Variants in DDX60L observed in about 807,000 individuals in gnomAD.
DDX60L encodes the protein probable ATP-dependent RNA helicase DDX60-like.
DDX60L carries 191 observed loss-of-function variants against 211.6 expected under a neutral mutation model. That is an observed-to-expected ratio of 0.90 (90% CI 0.80 to 1.02). The LOEUF (loss-of-function observed/expected upper bound fraction) is 1.02, where lower values mean the gene tolerates loss of function less well. DDX60L is among the 50% of genes least tolerant of loss of function. The pLI is 0.00. For synonymous variants in DDX60L, 706 were observed against 694.1 expected (o/e 1.02, Z -0.27); for missense variants, 2,007 against 1,984.1 (o/e 1.01, Z -0.22).
At chr4:168,360,888 C>T (rs1738989037) in intron 37 of DDX60L, among the ~76,000 whole-genome samples, 1 of 152,162 alleles carries the variant, frequency 6.6e-6, no homozygotes, top group African/African-American at 2.4e-5. Context: ...TGAGGAAGAG[C>T]CTTCCAGGCT....
At chr4:168,391,400 A>G in intron 29 of DDX60L, 140 bp downstream of exon 29, 2 of 611,076 alleles carry the variant, frequency 3.3e-6, no homozygotes, top group South Asian at 4.0e-5. Flanking sequence ...ATATGAGGCC[A>G]CTCAACTCAA....
chr4:168,420,463 T>TAAACACAC (rs1175751123), intron 17 of DDX60L, 83 bp from the exon 18 acceptor site: 1 of 456,752 alleles, frequency 2.2e-6, no homozygotes. Flanking sequence ...TCCATACACA[T>TAAACACAC]ACACACACAC....
rs768663569 is a variant in DDX60L, at chr4:168,358,205, G to A, written c.5063C>T (p.Thr1688Ile). Residue 1688 changes from threonine (T) to isoleucine (I), a missense_variant, in exon 38 of 38, where the codon ACC becomes ATC. Thr to Ile is a moderately conservative substitution (Grantham distance 89). Coordinates refer to ENST00000682922, the MANE Select transcript of DDX60L (RefSeq NM_001012967.3). The part of the protein sequence containing the change: ...VVLAFKQLSQ[T>I]FYEKLQEMQI... ...CATTTCTTGAAGTTTCTCATAAAAG[G>A]TTTGACTCAATTGTTTAAATGCCAG... 3 of 1,605,334 alleles carry A rather than the reference G, an allele frequency of 1.9e-6. No homozygotes were observed. The highest frequency in any genetic ancestry group is 1.7e-5 in the Admixed American group (1 of 58,736).
chr4:168,448,003 A>G (rs1755089201), intron 9 of DDX60L, among the ~76,000 whole-genome samples: 1 of 151,808 alleles, frequency 6.6e-6, no homozygotes, highest in Non-Finnish European at 1.5e-5. Flanking sequence ...CAATGTGCAC[A>G]TGTACCCTAA....
In DDX60L at chr4:168,427,241, C is replaced by G. The variant is rs779343782; in HGVS notation, c.1759G>C (p.Asp587His). ...KEDQNKAQQN[D>H]DLLFSIEEEM... The stretch of plus-strand genomic sequence containing the variant: ...TCTTCAATAGAAAACAGCAGATCAT[C>G]GTTTTGCTGAGCTTTGTTCTGATCT... The change falls in exon 14 of 38, where the codon GAT (aspartate) becomes CAT (histidine). Residue 587 changes from aspartate (D) to histidine (H), a missense_variant. Coordinates refer to ENST00000682922, the MANE Select transcript of DDX60L (RefSeq NM_001012967.3). The G allele has an allele frequency of 6.2e-7, 1 of 1,613,706 alleles. No individual in the cohort carries two copies. The highest frequency in any genetic ancestry group is 8.5e-7 in the Non-Finnish European group (1 of 1,179,738).
intron 33 of DDX60L, among the ~76,000 whole-genome samples, chr4:168,376,424 G>A (rs1741954230): frequency 6.6e-6 from 1 of 152,194 alleles, no homozygotes; most frequent in Non-Finnish European, 1.5e-5. Flanking sequence ...GAATGTCTAT[G>A]AGATAAACAG....
intron 18 of DDX60L, among the ~76,000 whole-genome samples, chr4:168,419,947 A>G (rs1487696817): frequency 6.6e-6 from 1 of 152,242 alleles, no homozygotes; most frequent in Non-Finnish European, 1.5e-5. Context: ...ATGGAAAGAC[A>G]AGGTTGGATA....
chr4:168,456,265 A>C, intron 6 of DDX60L, 113 bp from the exon 7 acceptor site: 1 of 497,064 alleles, frequency 2.0e-6, no homozygotes, highest in Non-Finnish European at 3.3e-6. Context: ...ATTTGACTAA[A>C]CGGAACTTCA....
chr4:168,440,001 G>C (rs529857299), intron 10 of DDX60L, among the ~76,000 whole-genome samples: 2 of 152,320 alleles, frequency 1.3e-5, no homozygotes, highest in South Asian at 2.1e-4. Flanking sequence ...AAAAGTCCAA[G>C]AAAATGCAAA....
intron 26 of DDX60L, among the ~76,000 whole-genome samples, chr4:168,396,607 T>C (rs1471174977): frequency 6.6e-6 from 1 of 151,266 alleles, no homozygotes; most frequent in Non-Finnish European, 1.5e-5. Context: ...AAGAGAAAAA[T>C]TGATTATACC....
intron 13 of DDX60L, among the ~76,000 whole-genome samples, chr4:168,429,153 C>CT (rs1010747852): frequency 5.4e-5 from 8 of 149,178 alleles, no homozygotes; most frequent in East Asian, 3.9e-4. Context: ...AATTCCTTTT[C>CT]TTTTTTTTTT....
rs919987077 is a variant in DDX60L, at chr4:168,448,646, C to T, written c.1130G>A (p.Ser377Asn). The T allele has an allele frequency of 1.6e-5, 25 of 1,546,720 alleles. No homozygotes were observed. The Admixed American group carries it at 2.9e-4, about 18-fold the overall frequency. The part of the protein sequence containing the change: ...KNIAFYYEFE[S>N]TQEPHLNLGD... ...GCATATTCAGGTACTACCTTGAGTA[C>T]TTTCAAATTCATAGTAGAAGGCTAT... is the stretch of plus-strand genomic sequence containing the variant. The change falls in exon 9 of 38, where the codon AGT becomes AAT. Residue 377 changes from serine (S) to asparagine (N), a missense_variant. Physicochemically the swap from Ser to Asn is conservative, Grantham distance 46 (BLOSUM62 1). Coordinates refer to ENST00000682922, the MANE Select transcript of DDX60L (RefSeq NM_001012967.3).
In DDX60L at chr4:168,456,154, T is replaced by C. The variant is rs1342669508; in HGVS notation, c.724-2A>G. 2 of 1,523,298 alleles carry C rather than the reference T, an allele frequency of 1.3e-6. No homozygotes were observed. The highest frequency in any genetic ancestry group is 1.8e-6 in the Non-Finnish European group (2 of 1,139,916). 94.4% of individuals were successfully genotyped at this position (1,523,298 alleles called of 1,614,324 possible). A position where few individuals can be genotyped will look rare whatever the true frequency, so the allele number is the denominator to read the frequency against. On this transcript the variant is annotated splice_acceptor_variant, in intron 6 of 37. Coordinates refer to ENST00000682922, the MANE Select transcript of DDX60L (RefSeq NM_001012967.3). LOFTEE classifies it high-confidence loss of function. ...AAGCAGAAATAGAGTCTGATACGCC[T>C]ATCAAAAAAGAAATTTCTTCAAATG...
chr4:168,442,504 G>A (rs939495571), intron 9 of DDX60L, among the ~76,000 whole-genome samples: 6 of 152,224 alleles, frequency 3.9e-5, no homozygotes, highest in Non-Finnish European at 7.4e-5. Flanking sequence ...GCCTGGAAGC[G>A]CGAACTGGGT....
At chr4:168,402,197 A>G (rs9631774) in intron 25 of DDX60L, among the ~76,000 whole-genome samples, 50,255 of 145,364 alleles carry the variant, frequency 0.35, 8,484 homozygotes, top group South Asian at 0.39. Context: ...GTGCACTCGC[A>G]GCTCACTGAA....
intron 18 of DDX60L, 46 bp from the exon 19 acceptor site, chr4:168,419,443 T>C: frequency 2.1e-6 from 3 of 1,411,574 alleles, no homozygotes; most frequent in South Asian, 1.3e-5. Flanking sequence ...GGAGCATTAA[T>C]TTTATATCAG....
intron 23 of DDX60L, 97 bp downstream of exon 23, chr4:168,406,504 AG>A: frequency 1.2e-6 from 1 of 803,650 alleles, no homozygotes; most frequent in Non-Finnish European, 2.0e-6. Context: ...TCAACCAAGT[AG>A]AGAGAATAAG....
intron 9 of DDX60L, among the ~76,000 whole-genome samples, chr4:168,447,531 G>A (rs1470091711): frequency 6.6e-6 from 1 of 151,842 alleles, no homozygotes; most frequent in Non-Finnish European, 1.5e-5. Flanking sequence ...CCCATTACTG[G>A]GTATATACCC....
chr4:168,435,361 G>T (rs1752894848), intron 10 of DDX60L, among the ~76,000 whole-genome samples: 1 of 152,168 alleles, frequency 6.6e-6, no homozygotes, highest in Admixed American at 6.5e-5. Flanking sequence ...TTCCTGGAGG[G>T]ATTACAGAGA....
Sources: gnomAD v4.1 joint callset for allele counts (sites outside exome capture counted in the v4.1 genomes callset) on GRCh38, gnomAD v4.1.1 for gene constraint, MANE v1.5 for transcripts, NCBI Gene and HGNC (gene_info 2026-07-23, HGNC 2026-07-21) for gene names.